Variants in HECW1 observed in about 807,000 individuals in gnomAD.
The protein encoded by HECW1 is E3 ubiquitin-protein ligase HECW1.
In HECW1, 61 loss-of-function variants were observed where a neutral mutation model predicts 182.3. The ratio of observed to expected loss-of-function variants is 0.33; its 90% CI spans 0.27 to 0.41. HECW1 has a LOEUF of 0.41. Ranked by LOEUF, HECW1 falls within the 10% of genes least tolerant of loss-of-function variation. The pLI is 1.00. For missense variants in HECW1, 1,739 were observed against 2,108.9 expected (o/e 0.82, Z 3.44); for synonymous variants, 859 against 832.6 (o/e 1.03, Z -0.55).
intron 3 of HECW1, among the ~76,000 whole-genome samples, chr7:43,277,415 G>A (rs1236540260): frequency 6.6e-6 from 1 of 152,158 alleles, no homozygotes; most frequent in African/African-American, 2.4e-5. Context: ...GCAGCCTGAA[G>A]CCATGGTTTT....
intron 14 of HECW1, among the ~76,000 whole-genome samples, chr7:43,466,073 A>C (rs1236623479): frequency 6.9e-6 from 1 of 144,890 alleles, no homozygotes; most frequent in African/African-American, 2.6e-5. Context: ...GAAGGAAGGA[A>C]GGAAGGAGAG....
At chr7:43,399,655 A>C (rs1202080489) in intron 7 of HECW1, among the ~76,000 whole-genome samples, 1 of 152,144 alleles carries the variant, frequency 6.6e-6, no homozygotes, top group African/African-American at 2.4e-5. Context: ...GACCTACCAG[A>C]GGAGGAAGCC....
At chr7:43,392,282 A>G (rs898704403) in intron 6 of HECW1, among the ~76,000 whole-genome samples, 4 of 152,180 alleles carry the variant, frequency 2.6e-5, no homozygotes, top group African/African-American at 9.7e-5. Flanking sequence ...TTATTTGAGA[A>G]TAATCGTGGG....
At chr7:43,131,383 C>G (rs1786900129) in intron 2 of HECW1, among the ~76,000 whole-genome samples, 1 of 152,216 alleles carries the variant, frequency 6.6e-6, no homozygotes, top group Admixed American at 6.5e-5. Context: ...CCAGCTCACA[C>G]TGCTGGGCTT....
intron 29 of HECW1, among the ~76,000 whole-genome samples, 156 bp from the exon 30 acceptor site, chr7:43,561,659 T>C (rs116755382): frequency 8.7e-4 from 133 of 152,354 alleles, no homozygotes; most frequent in African/African-American, 2.9e-3. Context: ...TCTAGAGGAA[T>C]GTGGCTCTTT....
chr7:43,447,218 C>A (rs1197668156), intron 11 of HECW1, among the ~76,000 whole-genome samples: 1 of 151,922 alleles, frequency 6.6e-6, no homozygotes, highest in Non-Finnish European at 1.5e-5. Context: ...TAGCTCAGAG[C>A]CATACAACCC....
chr7:43,306,483 A>G (rs924232994), intron 3 of HECW1, among the ~76,000 whole-genome samples: 2 of 152,086 alleles, frequency 1.3e-5, no homozygotes, highest in Admixed American at 1.3e-4. Context: ...AAATCTGCTC[A>G]TGGACTAAAA....
intron 7 of HECW1, among the ~76,000 whole-genome samples, chr7:43,402,322 C>T (rs1050535515): frequency 3.9e-5 from 6 of 152,160 alleles, no homozygotes; most frequent in Admixed American, 6.5e-5. Context: ...ACCGCGGGGC[C>T]GGAGCCCAAA....
intron 2 of HECW1, among the ~76,000 whole-genome samples, chr7:43,199,195 C>T (rs939409996): frequency 2.0e-5 from 3 of 152,258 alleles, no homozygotes; most frequent in African/African-American, 7.2e-5. Context: ...CTTATGATTA[C>T]AGTTTGCCTG....
chr7:43,174,349 G>A (rs1422878092), intron 2 of HECW1, among the ~76,000 whole-genome samples: 1 of 152,158 alleles, frequency 6.6e-6, no homozygotes, highest in African/African-American at 2.4e-5. Context: ...TACATAGTGG[G>A]TCTCAGAGCC....
At chr7:43,369,379 A>G (rs955997009) in intron 6 of HECW1, among the ~76,000 whole-genome samples, 4 of 151,936 alleles carry the variant, frequency 2.6e-5, no homozygotes, top group Non-Finnish European at 5.9e-5. Flanking sequence ...AATCGCTTGA[A>G]CTCGGGAGGC....
At chr7:43,134,084 A>G (rs1239519096) in intron 2 of HECW1, among the ~76,000 whole-genome samples, 1 of 152,128 alleles carries the variant, frequency 6.6e-6, no homozygotes, top group Non-Finnish European at 1.5e-5. Flanking sequence ...TTATAGCCCA[A>G]GTGTTTCATT....
At chr7:43,165,869 G>C (rs1160941268) in intron 2 of HECW1, among the ~76,000 whole-genome samples, 1 of 152,184 alleles carries the variant, frequency 6.6e-6, no homozygotes, top group African/African-American at 2.4e-5. Flanking sequence ...CCATTTGCAT[G>C]TGTTGAGATT....
chr7:43,483,393 GC>G (rs1169774202), intron 17 of HECW1, among the ~76,000 whole-genome samples: 3 of 151,740 alleles, frequency 2.0e-5, no homozygotes, highest in Admixed American at 1.3e-4. Context: ...AAACAGAACA[GC>G]CCCCCAGCAT....
intron 2 of HECW1, among the ~76,000 whole-genome samples, chr7:43,120,706 T>C (rs1167321575): frequency 6.6e-6 from 1 of 152,166 alleles, no homozygotes; most frequent in Non-Finnish European, 1.5e-5. Context: ...TGCAGTGGCA[T>C]GATCTTGGCT....
chr7:43,450,957 C>CTTAA (rs771225142), intron 12 of HECW1, 28 bp downstream of exon 12: 11 of 1,428,898 alleles, frequency 7.7e-6, no homozygotes, highest in Non-Finnish European at 1.1e-5. Flanking sequence ...AAATCTGTGT[C>CTTAA]TTAACTCTTC....
At chr7:43,121,293 G>T (rs1051334290) in intron 2 of HECW1, among the ~76,000 whole-genome samples, 2 of 152,066 alleles carry the variant, frequency 1.3e-5, no homozygotes, top group East Asian at 1.9e-4. Flanking sequence ...ACTGTTCTTT[G>T]CTTCCTCTGG....
chr7:43,272,843 C>T (rs527403614), intron 3 of HECW1, among the ~76,000 whole-genome samples: 5 of 152,226 alleles, frequency 3.3e-5, no homozygotes, highest in Admixed American at 2.0e-4. Context: ...GAAAACAAAC[C>T]GTTACACCAA....
intron 6 of HECW1, among the ~76,000 whole-genome samples, chr7:43,362,341 G>A (rs778255681): frequency 7.9e-5 from 12 of 152,164 alleles, no homozygotes; most frequent in Non-Finnish European, 1.3e-4. Context: ...CTCCATCCTC[G>A]GCAGGACTGG....
Sources: allele counts gnomAD v4.1 joint callset (sites outside exome capture counted in the v4.1 genomes callset), GRCh38; gene constraint gnomAD v4.1.1; transcripts MANE v1.5; gene names NCBI Gene and HGNC (gene_info 2026-07-23, HGNC 2026-07-21).